The following EPS8L1 variants were observed in gnomAD, a reference collection of about 807,000 sequenced individuals.
EPS8L1 encodes EPS8 signaling adaptor L1, also known as epidermal growth factor receptor kinase substrate 8-like protein 1.
In EPS8L1, 101 loss-of-function variants were observed where a neutral mutation model predicts 91.7. The observed-to-expected ratio is 1.10, with a 90% CI of 0.94 to 1.30. EPS8L1 has a LOEUF of 1.30. Among genes scored for constraint, EPS8L1 ranks in the 50% most tolerant of loss-of-function variants. EPS8L1 has a pLI of 0.00. For missense variants in EPS8L1, 1,114 were observed against 1,017.0 expected, an observed-to-expected ratio of 1.10 and a Z score of -1.30; for synonymous variants, 506 against 445.3, an observed-to-expected ratio of 1.14 and a Z score of -1.72.
Position 55,082,333 on chromosome 19 carries a change from T to C in EPS8L1, c.1049T>C (p.Phe350Ser). The change falls in exon 11 of 20, where the codon TTC becomes TCC. Residue 350 changes from phenylalanine (F) to serine (S), a missense_variant. Transcript: ENST00000201647. The stretch of plus-strand genomic sequence containing the variant: ...TCTCCGGAGCTGTTGCACTTCCTTT[T>C]CGGGCCTCTGCAGATGGTGAGACCC... ...PSSPELLHFLFGPLQMIVNTS... is the reference protein window; with the variant it reads ...PSSPELLHFLSGPLQMIVNTS... 6.2e-7 allele frequency: 1 copy of C among 1,612,560 alleles called. No individual in the cohort carries two copies. The highest frequency in any genetic ancestry group is 8.5e-7 in the Non-Finnish European group (1 of 1,179,854).
chr19:55,085,334 T>C (rs1217469906), intron 14 of EPS8L1, among the ~76,000 whole-genome samples: 3 of 151,974 alleles, frequency 2.0e-5, no homozygotes, highest in Non-Finnish European at 4.4e-5. Context: ...CCCAGCTAAT[T>C]TGGGTATTTT....
chr19:55,083,785 G>A lies in EPS8L1; in HGVS notation c.1385+141G>A. Reference sequence around the variant, plus strand: ...TTCTCAGGTGGGTGAGATGGTGATGGGGCGGGCCGGGGCTGGGAGAGAGGG... The same window carrying A: ...TTCTCAGGTGGGTGAGATGGTGATGAGGCGGGCCGGGGCTGGGAGAGAGGG... On this transcript the variant is annotated intron_variant, in intron 14 of 19. Coordinates refer to ENST00000201647, the MANE Select transcript of EPS8L1 (RefSeq NM_133180.3). This position sits in a 1 kb window ranked among gnomAD's most constrained non-coding sequence, Gnocchi z 4.7. The A allele has an allele frequency of 9.3e-7, 1 of 1,071,520 alleles. No individual in the cohort carries two copies. Among genetic ancestry groups the A allele is most frequent in the Non-Finnish European group, 1.4e-6 (1 of 720,232 alleles). The allele number at this position is 1,071,520 out of a possible 1,614,324, so 66.4% of individuals were successfully genotyped here.
chr19:55,087,888 T>C lies in EPS8L1; in HGVS notation c.*274T>C, dbSNP rs1013468359. On this transcript the variant is annotated 3_prime_UTR_variant, in exon 20 of 20. Transcript: ENST00000201647. The stretch of plus-strand genomic sequence containing the variant: ...CAGTGGAGCCCTGAGCATTGTAATA[T>C]GCGGCCCAGCCTATAAACAGCCTCC... 2 of 477,114 alleles carry C rather than the reference T, an allele frequency of 4.2e-6. No homozygotes were observed. Among genetic ancestry groups the C allele is most frequent in the African/African-American group, 2.0e-5 (1 of 50,606 alleles). The allele number at this position is 477,114 out of a possible 1,614,324, so 29.6% of individuals were successfully genotyped here.
chr19:55,081,183 T>C lies in EPS8L1; in HGVS notation c.513-48T>C, dbSNP rs2076249316. On this transcript the variant is annotated intron_variant, in intron 7 of 19. Coordinates refer to ENST00000201647, the MANE Select transcript of EPS8L1 (RefSeq NM_133180.3). The surrounding 1 kb of genome is among the most constrained non-coding windows in gnomAD (Gnocchi z 4.9). ...TCTGCGCCCTGGATTTCCCCCTCCC[T>C]GGACCCCTCAGTGGACCCAGTCTTG... is the stretch of plus-strand genomic sequence containing the variant. 3 of 1,473,898 alleles carry C rather than the reference T, an allele frequency of 2.0e-6. No homozygotes were observed. The highest frequency in any genetic ancestry group is 2.4e-4 in the Middle Eastern group (1 of 4,250). 91.3% of individuals were successfully genotyped at this position (1,473,898 alleles called of 1,614,324 possible). A position where few individuals can be genotyped will look rare whatever the true frequency, so the allele number is the denominator to read the frequency against.
chr19:55,086,637 C>CCCCCCCCCCCCCCCCCCCCGGG, intron 17 of EPS8L1, 77 bp from the exon 18 acceptor site: 1 of 1,374,364 alleles, frequency 7.3e-7, no homozygotes, highest in Non-Finnish European at 1.0e-6. Context: ...GCTGGAGCGC[C>CCCCCCCCCCCCCCCCCCCCGGG]CCCCCGCCCC....
Position 55,079,745 on chromosome 19 carries a change from C to T in EPS8L1, c.173C>T (p.Ala58Val), listed in dbSNP as rs757755507. 1.2e-6 allele frequency: 2 copies of T among 1,614,156 alleles called. No homozygotes were observed. The highest frequency in any genetic ancestry group is 1.3e-5 in the African/African-American group (1 of 75,044). ...GATGGCGTGCATACCGTGGAGGATG[C>T]CTCCAGGAAGTTGGCCGTCATGGAT... ...EDDGVHTVED[A>V]SRKLAVMDSQ... The change falls in exon 5 of 20, where the codon GCC becomes GTC. Residue 58 changes from alanine to valine, a missense_variant. Ala to Val is a moderately conservative substitution (Grantham distance 64). Transcript: ENST00000201647.
intron 1 of EPS8L1, 196 bp from the exon 2 acceptor site, chr19:55,076,212 G>C: frequency 2.0e-6 from 1 of 494,166 alleles, no homozygotes; most frequent in South Asian, 2.8e-5. Context: ...AGGGGACTGG[G>C]GTCTGGACTC....
chr19:55,077,887 T>A (rs1162516607), intron 2 of EPS8L1, among the ~76,000 whole-genome samples: 1 of 150,212 alleles, frequency 6.7e-6, no homozygotes, highest in East Asian at 1.9e-4. Context: ...GCGCCCAGCC[T>A]ACCTGTCTTC....
rs1295280281 is a variant in EPS8L1 at position 55,079,818 on chromosome 19, C to T, written c.246C>T (p.Pro82=). 20 of 1,613,832 alleles carry T rather than the reference C, an allele frequency of 1.2e-5. 2 individuals carry two copies. In the Middle Eastern group the frequency reaches 2.0e-3, roughly 160 times the overall value. Residue 82 remains proline (P), a synonymous_variant, in exon 5 of 20, where the codon CCC becomes CCT. Transcript: ENST00000201647. ...AGGAGATGCTGCTGCGAGTGTCTCCCGACCATGTCACGCTGCTCGACCCGG... is the reference window on the plus strand; with the variant it reads ...AGGAGATGCTGCTGCGAGTGTCTCCTGACCATGTCACGCTGCTCGACCCGG... ...WAQEMLLRVS[P]DHVTLLDPAS... is the part of the protein sequence containing the mutation.
Position 55,081,571 on chromosome 19 carries a change from C to T in EPS8L1, c.774+79C>T. ...CTAGGGCGTGGAAGGGCGGGGCCGG[C>T]TGCGGGACGGGCGTTCTCTGGTCAG... On this transcript the variant is annotated intron_variant, in intron 8 of 19. Transcript: ENST00000201647. This position sits in a 1 kb window ranked among gnomAD's most constrained non-coding sequence, Gnocchi z 4.9. 6.9e-7 allele frequency: 1 copy of T among 1,441,234 alleles called. No individual in the cohort carries two copies. Among genetic ancestry groups the T allele is most frequent in the Non-Finnish European group, 9.1e-7 (1 of 1,094,470 alleles). The allele number at this position is 1,441,234 out of a possible 1,614,324, so 89.3% of individuals were successfully genotyped here.
At chr19:55,080,892 G>T in intron 7 of EPS8L1, 38 bp downstream of exon 7, 1 of 1,552,146 alleles carries the variant, frequency 6.4e-7, no homozygotes, top group Non-Finnish European at 8.7e-7. Flanking sequence ...CTGGGAAGCC[G>T]GTTTCCCCTC....
rs2076254649 is a variant in EPS8L1 at position 55,081,338 on chromosome 19, C to T, written c.620C>T (p.Ala207Val). Residue 207 changes from alanine to valine, a missense_variant, in exon 8 of 20, where the codon GCG becomes GTG. Coordinates refer to ENST00000201647, the MANE Select transcript of EPS8L1 (RefSeq NM_133180.3). This position sits in a 1 kb window ranked among gnomAD's most constrained non-coding sequence, Gnocchi z 4.9. ...RAVISTVERGAGRGRPQAKPI... is the reference protein window; with the variant it reads ...RAVISTVERGVGRGRPQAKPI... ...GTGATCAGCACCGTAGAGCGGGGCG[C>T]GGGCCGCGGACGACCCCAGGCGAAG... is the stretch of plus-strand genomic sequence containing the variant. 3.9e-6 allele frequency: 6 copies of T among 1,557,588 alleles called. No homozygotes were observed. The highest frequency in any genetic ancestry group is 1.4e-5 in the African/African-American group (1 of 74,068).
At chr19:55,087,175 G>A in intron 18 of EPS8L1, 128 bp from the exon 19 acceptor site, 2 of 1,390,570 alleles carry the variant, frequency 1.4e-6, no homozygotes, top group South Asian at 1.4e-5. Flanking sequence ...TTCAGGAGGT[G>A]TCGGGCCTGC....
Position 55,087,563 on chromosome 19 carries a change from GGAGA to G in EPS8L1, c.2122_2125del (p.Glu708SerfsTer25). 1 of 1,614,222 alleles carries G rather than the reference GGAGA, an allele frequency of 6.2e-7. No homozygotes were observed. The highest frequency in any genetic ancestry group is 1.1e-5 in the South Asian group (1 of 91,076). On this transcript the variant is annotated frameshift_variant, in exon 20 of 20. Coordinates refer to ENST00000201647, the MANE Select transcript of EPS8L1 (RefSeq NM_133180.3). LOFTEE classifies it high-confidence loss of function. ...AAGTGTCAGAGCTGGAGGCAGTGAT[GGAGA>G]AGCAAAAGAAGAAGGTGGAAGGCGA... is the stretch of plus-strand genomic sequence containing the variant.
At chr19:55,076,551 CTGTT>C (rs1302120343) in intron 2 of EPS8L1, 90 bp downstream of exon 2, 4 of 1,453,370 alleles carry the variant, frequency 2.8e-6, no homozygotes, top group African/African-American at 2.8e-5. Flanking sequence ...GCAGCCCAGA[CTGTT>C]TGCGGCGGCC....
At chr19:55,087,059 A>G in intron 18 of EPS8L1, 171 bp downstream of exon 18, 1 of 1,076,558 alleles carries the variant, frequency 9.3e-7, no homozygotes, top group Non-Finnish European at 1.3e-6. Flanking sequence ...TGTGATTGCC[A>G]TGTTTTTTCA....
chr19:55,086,847 C>A lies in EPS8L1; in HGVS notation c.1911C>A (p.Ser637=). Residue 637 remains serine (S), a synonymous_variant, in exon 18 of 20, where the codon TCC becomes TCA. Coordinates refer to ENST00000201647, the MANE Select transcript of EPS8L1 (RefSeq NM_133180.3). ...AGCTCAGCCCGGGCTCGGACGCCTC[C>A]GAGGTCCGCGCCTGGCTGCAGGCCA... ...EPQLSPGSDA[S]EVRAWLQAKG... is the part of the protein sequence containing the mutation. The A allele has an allele frequency of 1.3e-6, 2 of 1,498,682 alleles. No homozygotes were observed. Among genetic ancestry groups the A allele is most frequent in the Non-Finnish European group, 1.8e-6 (2 of 1,129,072 alleles). 92.8% of individuals were successfully genotyped at this position (1,498,682 alleles called of 1,614,324 possible).
Position 55,085,832 on chromosome 19 carries a change from TCTC to T in EPS8L1, c.1386-5_1386-3del, listed in dbSNP as rs1311855084. ...CCTCCTTATCTCCAACCCTCCCGCT[TCTC>T]CTCAGTCACCGAGACTTGGAGCCAG... On this transcript the variant is annotated splice_region_variant and splice_polypyrimidine_tract_variant and intron_variant, in intron 14 of 19. Coordinates refer to ENST00000201647, the MANE Select transcript of EPS8L1 (RefSeq NM_133180.3). The T allele has an allele frequency of 1.2e-6, 2 of 1,609,780 alleles. No homozygotes were observed. The highest frequency in any genetic ancestry group is 1.7e-6 in the Non-Finnish European group (2 of 1,177,470).
rs746141609 is a variant in EPS8L1 at position 55,086,146 on chromosome 19, A to G, written c.1604A>G (p.Tyr535Cys). 16 of 1,605,816 alleles carry G rather than the reference A, an allele frequency of 1.0e-5. No individual in the cohort carries two copies. The highest frequency in any genetic ancestry group is 1.3e-5 in the Non-Finnish European group (15 of 1,175,400). Residue 535 changes from tyrosine to cysteine, a missense_variant, in exon 16 of 20, where the codon TAC becomes TGC. Coordinates refer to ENST00000201647, the MANE Select transcript of EPS8L1 (RefSeq NM_133180.3). The part of the protein sequence containing the change: ...GYVPYNILTP[Y>C]PGPRLHHSQS... ...GTGCCCTACAACATCCTGACACCCT[A>G]CCCCGGACCCCGGCTGCACCACAGC...
Sources: allele counts gnomAD v4.1 joint callset (sites outside exome capture counted in the v4.1 genomes callset), GRCh38; gene constraint gnomAD v4.1.1; non-coding constraint Gnocchi (gnomAD v3.1); transcripts MANE v1.5; gene names NCBI Gene and HGNC (gene_info 2026-07-23, HGNC 2026-07-21).